Variants in CFH observed in about 807,000 individuals in gnomAD.
The protein encoded by CFH is H factor 1 (complement).
In CFH, 53 loss-of-function variants were observed where a neutral mutation model predicts 147.3. That is an observed-to-expected ratio of 0.36 (90% CI 0.29 to 0.45). The LOEUF (loss-of-function observed/expected upper bound fraction) is 0.45. CFH is among the 20% of genes least tolerant of loss of function. The pLI is 1.00. For synonymous variants in CFH, 536 were observed against 489.4 expected (o/e 1.10, Z -1.26); for missense variants, 1,380 against 1,498.0 (o/e 0.92, Z 1.30).
At chr1:196,696,657 T>A (rs1668283476) in intron 9 of CFH, among the ~76,000 whole-genome samples, 1 of 152,168 alleles carries the variant, frequency 6.6e-6, no homozygotes, top group African/African-American at 2.4e-5. Flanking sequence ...AAAACTACTT[T>A]AAAGTTTATA....
intron 9 of CFH, among the ~76,000 whole-genome samples, chr1:196,692,604 T>C (rs1573031047): frequency 1.5e-5 from 2 of 131,910 alleles, no homozygotes; most frequent in African/African-American, 5.6e-5. Flanking sequence ...TCTTCCTTCT[T>C]TCTTTTTCTT....
At chr1:196,698,238 A>C (rs1043791302) in intron 9 of CFH, among the ~76,000 whole-genome samples, 1 of 152,128 alleles carries the variant, frequency 6.6e-6, no homozygotes, top group Non-Finnish European at 1.5e-5. Flanking sequence ...ATCAGAGCAG[A>C]CCTGGAGATA....
chr1:196,662,222 CTT>C (rs1173471064), intron 1 of CFH, among the ~76,000 whole-genome samples: 1 of 152,204 alleles, frequency 6.6e-6, no homozygotes, highest in East Asian at 1.9e-4. Flanking sequence ...GGAATGCTGA[CTT>C]AAGCAAGATG....
At chr1:196,675,942 A>C (rs758497308) in intron 3 of CFH, 47 bp from the exon 4 acceptor site, 1 of 1,250,220 alleles carries the variant, frequency 8.0e-7, no homozygotes, top group Non-Finnish European at 1.2e-6. Context: ...TTAAAACTGC[A>C]TGTAAACACA....
chr1:196,701,722 C>A (rs918111753), intron 9 of CFH, among the ~76,000 whole-genome samples: 4 of 152,170 alleles, frequency 2.6e-5, no homozygotes, highest in African/African-American at 9.6e-5. Context: ...GACCCAGAGA[C>A]AAACCCTAGC....
At chr1:196,720,846 G>A (rs528199534) in intron 11 of CFH, among the ~76,000 whole-genome samples, 2 of 151,984 alleles carry the variant, frequency 1.3e-5, no homozygotes, top group East Asian at 3.9e-4. Flanking sequence ...GGGTGAAATG[G>A]TAGTTCTGTT....
chr1:196,747,241 A>G lies in CFH; in HGVS notation c.3624A>G (p.Ser1208=), dbSNP rs763445550. ...EFVCKRGYRL[S]SRSHTLRTTC... ...TGTGTAAACGGGGATATCGTCTTTC[A>G]TCACGTTCTCACACATTGCGAACAA... The change falls in exon 22 of 22, where the codon TCA becomes TCG. Residue 1208 remains serine (S), a synonymous_variant. Coordinates refer to ENST00000367429, the MANE Select transcript of CFH (RefSeq NM_000186.4). The G allele has an allele frequency of 4.3e-6, 7 of 1,614,040 alleles. No homozygotes were observed. The highest frequency in any genetic ancestry group is 2.2e-5 in the East Asian group (1 of 44,864).
chr1:196,714,225 T>A (rs1172472973), intron 10 of CFH, among the ~76,000 whole-genome samples: 2 of 152,044 alleles, frequency 1.3e-5, no homozygotes, highest in Non-Finnish European at 2.9e-5. Flanking sequence ...TTAATATATA[T>A]CTGTTTTATA....
chr1:196,664,392 GATAAGATTAATCTGAA>G (rs1277048628), intron 1 of CFH, among the ~76,000 whole-genome samples: 1 of 152,092 alleles, frequency 6.6e-6, no homozygotes, highest in Non-Finnish European at 1.5e-5. Context: ...TGTCCTAAGT[GATAAGATTAATCTGAA>G]ATAATGAATC....
rs1558187467 is a variant in CFH at position 196,747,095 on chromosome 1, T to C, written c.3494-16T>C. ...ATACTACTTAATGTTTTATGTTTAC[T>C]GTTTTTTATTTTCAGATCCGTGTGT... On this transcript the variant is annotated splice_polypyrimidine_tract_variant and intron_variant, in intron 21 of 21. Transcript: ENST00000367429. 2 of 1,613,712 alleles carry C rather than the reference T, an allele frequency of 1.2e-6. No individual in the cohort carries two copies. Among genetic ancestry groups the C allele is most frequent in the Middle Eastern group, 1.7e-4 (1 of 6,054 alleles).
chr1:196,682,079 T>G (rs987357898), intron 6 of CFH, among the ~76,000 whole-genome samples: 10 of 151,784 alleles, frequency 6.6e-5, no homozygotes, highest in African/African-American at 2.4e-4. Flanking sequence ...GTCAGAGGAC[T>G]GATTTAAAGG....
chr1:196,726,578 C>G lies in CFH; in HGVS notation c.1982C>G (p.Pro661Arg), dbSNP rs777130291. The G allele has an allele frequency of 6.2e-7, 1 of 1,612,742 alleles. No individual in the cohort carries two copies. Among genetic ancestry groups the G allele is most frequent in the Non-Finnish European group, 8.5e-7 (1 of 1,178,956 alleles). The change falls in exon 13 of 22, where the codon CCT becomes CGT. Residue 661 changes from proline (P) to arginine (R), a missense_variant. Pro to Arg is a moderately radical substitution (Grantham distance 103). Coordinates refer to ENST00000367429, the MANE Select transcript of CFH (RefSeq NM_000186.4). The stretch of plus-strand genomic sequence containing the variant: ...GAAGTGGTGGAATATTATTGCAATC[C>G]TAGATTTCTAATGAAGGGACCTAAT... ...HSEVVEYYCN[P>R]RFLMKGPNKI... is the part of the protein sequence containing the mutation.
Position 196,657,702 on chromosome 1 carries a change from T to C in CFH, c.58+5527T>C, listed in dbSNP as rs1177084688. On this transcript the variant is annotated intron_variant, in intron 1 of 21. Coordinates refer to ENST00000367429, the MANE Select transcript of CFH (RefSeq NM_000186.4). ...TTTCTGTTTTGTTCATTTGCTTTAT[T>C]TTTTTCCAAATTGATTTTGTAACTT... 1.1e-4 allele frequency among the ~76,000 whole-genome samples: 17 copies of C among 152,336 alleles called. No homozygotes were observed. In the East Asian group the frequency reaches 3.3e-3, roughly 29 times the overall value.
In CFH at chr1:196,713,718, AT is replaced by A. The variant is rs746195925; in HGVS notation, c.1337-15del. ...TTGATCATATGCTTGTCTTTTTCTTATTCTCTTCCCTTTTAGAAACATGTTC... is the reference window on the plus strand; with the variant it reads ...TTGATCATATGCTTGTCTTTTTCTTATCTCTTCCCTTTTAGAAACATGTTC... On this transcript the variant is annotated splice_polypyrimidine_tract_variant and intron_variant, in intron 9 of 21. Transcript: ENST00000367429. The A allele has an allele frequency of 1.7e-5, 25 of 1,499,162 alleles. No individual in the cohort carries two copies. The highest frequency in any genetic ancestry group is 2.3e-5 in the Non-Finnish European group (25 of 1,080,670). 92.9% of individuals were successfully genotyped at this position (1,499,162 alleles called of 1,614,324 possible).
rs757673645 is a variant in CFH at position 196,725,218 on chromosome 1, A to G, written c.1794A>G (p.Lys598=). Residue 598 remains lysine (K), a synonymous_variant, in exon 12 of 22, where the codon AAA becomes AAG. Transcript: ENST00000367429. ...GAGAGGTGTTGAAATTCTCCTGCAAACCAGGATTTACAATAGTTGGACCTA... is the reference window on the plus strand; with the variant it reads ...GAGAGGTGTTGAAATTCTCCTGCAAGCCAGGATTTACAATAGTTGGACCTA... The part of the protein sequence containing the change: ...KVGEVLKFSC[K]PGFTIVGPNS... 1.2e-6 allele frequency: 2 copies of G among 1,613,946 alleles called. No homozygotes were observed. Among genetic ancestry groups the G allele is most frequent in the South Asian group, 2.2e-5 (2 of 91,072 alleles).
At position 196,685,086 on chromosome 1, in the gene CFH, T is replaced by C. The variant is rs750402591; in HGVS notation, c.813T>C (p.Tyr271=). Residue 271 remains tyrosine, a synonymous_variant, in exon 7 of 22, where the codon TAT becomes TAC. Transcript: ENST00000367429. The part of the protein sequence containing the change: ...SCEEKSCDNP[Y]IPNGDYSPLR... ...CAGAAAAATCATGTGATAATCCTTA[T>C]ATTCCAAATGGTGACTACTCACCTT... 6.2e-7 allele frequency: 1 copy of C among 1,610,398 alleles called. No homozygotes were observed.
At chr1:196,698,075 A>G (rs937290736) in intron 9 of CFH, among the ~76,000 whole-genome samples, 3 of 151,954 alleles carry the variant, frequency 2.0e-5, no homozygotes, top group Non-Finnish European at 4.4e-5. Context: ...TAATGGGTGC[A>G]GCACACCACC....
At chr1:196,692,101 A>T (rs1668044383) in intron 9 of CFH, among the ~76,000 whole-genome samples, 1 of 152,010 alleles carries the variant, frequency 6.6e-6, no homozygotes. Flanking sequence ...TTTTTTAACC[A>T]GCATTGCAGT....
intron 2 of CFH, among the ~76,000 whole-genome samples, chr1:196,673,638 T>C (rs1004284122): frequency 6.6e-6 from 1 of 152,068 alleles, no homozygotes; most frequent in Non-Finnish European, 1.5e-5. Context: ...GCCCAGCCAA[T>C]ACATCATCAT....
Sources: gnomAD v4.1 joint callset for allele counts (sites outside exome capture counted in the v4.1 genomes callset) on GRCh38, gnomAD v4.1.1 for gene constraint, MANE v1.5 for transcripts, NCBI Gene and HGNC (gene_info 2026-07-23, HGNC 2026-07-21) for gene names.